AGBL1: variants seen among roughly 807,000 people sequenced by gnomAD.
AGBL1 encodes cytosolic carboxypeptidase 4.
A neutral mutation model predicts 118.9 loss-of-function variants in AGBL1; 130 were observed. The ratio of observed to expected loss-of-function variants is 1.09; its 90% CI spans 0.95 to 1.26. AGBL1 has a LOEUF of 1.26. Ranked by LOEUF, AGBL1 falls within the 50% of genes most tolerant of loss-of-function variation. The probability of loss-of-function intolerance (pLI) is 0.00; values close to 1 mark genes in which losing one functional copy is unlikely to be tolerated. For synonymous variants in AGBL1, 555 were observed against 478.9 expected, an observed-to-expected ratio of 1.16 and a Z score of -2.08; for missense variants, 1,584 against 1,298.1, an observed-to-expected ratio of 1.22 and a Z score of -3.38.
At chr15:86,923,183 T>C (rs1596638380) in intron 23 of AGBL1, among the ~76,000 whole-genome samples, 1 of 152,296 alleles carries the variant, frequency 6.6e-6, no homozygotes, top group African/African-American at 2.4e-5. Flanking sequence ...GAACACATGA[T>C]AAATAGGCAG....
intron 18 of AGBL1, among the ~76,000 whole-genome samples, chr15:86,500,255 G>T (rs904973643): frequency 6.6e-6 from 1 of 151,780 alleles, no homozygotes; most frequent in Non-Finnish European, 1.5e-5. Context: ...GTCTTTATGT[G>T]TGTCTCATGG....
intron 22 of AGBL1, among the ~76,000 whole-genome samples, chr15:86,702,622 C>G (rs2086379708): frequency 6.6e-6 from 1 of 152,162 alleles, no homozygotes; most frequent in Admixed American, 6.5e-5. Flanking sequence ...TTCCTTCTTT[C>G]CAGTCCTCAT....
At chr15:86,329,274 C>T (rs1054540197) in intron 17 of AGBL1, among the ~76,000 whole-genome samples, 1 of 152,000 alleles carries the variant, frequency 6.6e-6, no homozygotes, top group Non-Finnish European at 1.5e-5. Context: ...CCTGGACCAG[C>T]AGCCTGAGCC....
intron 22 of AGBL1, among the ~76,000 whole-genome samples, chr15:86,683,235 G>A (rs2085993564): frequency 6.6e-6 from 1 of 152,016 alleles, no homozygotes; most frequent in African/African-American, 2.4e-5. Context: ...GTATATCTGT[G>A]TGTGTTTCTG....
intron 23 of AGBL1, among the ~76,000 whole-genome samples, chr15:86,921,714 T>G (rs2080483610): frequency 6.6e-6 from 1 of 152,210 alleles, no homozygotes; most frequent in African/African-American, 2.4e-5. Context: ...CAGCACAGCA[T>G]GCATGGATCA....
At chr15:86,430,103 A>T (rs2081917083) in intron 18 of AGBL1, among the ~76,000 whole-genome samples, 2 of 152,236 alleles carry the variant, frequency 1.3e-5, no homozygotes, top group South Asian at 2.1e-4. Flanking sequence ...GTATACTTAG[A>T]TAAGGCAAAT....
chr15:86,742,298 G>T (rs1367996646), intron 22 of AGBL1, among the ~76,000 whole-genome samples: 1 of 152,130 alleles, frequency 6.6e-6, no homozygotes, highest in African/African-American at 2.4e-5. Flanking sequence ...TTTTGTAGAG[G>T]AAGATTGATT....
chr15:86,750,304 A>G (rs894023811), intron 22 of AGBL1, among the ~76,000 whole-genome samples: 1 of 152,002 alleles, frequency 6.6e-6, no homozygotes, highest in Non-Finnish European at 1.5e-5. Context: ...AATTTTACAT[A>G]TTTATGGGGT....
chr15:86,441,988 G>C (rs1329932432), intron 18 of AGBL1, among the ~76,000 whole-genome samples: 1 of 152,216 alleles, frequency 6.6e-6, no homozygotes, highest in South Asian at 2.1e-4. Context: ...AATCCACAAG[G>C]GTGGGGTAGA....
At chr15:87,011,576 T>C (rs75736073) in intron 24 of AGBL1, among the ~76,000 whole-genome samples, 16,672 of 152,214 alleles carry the variant, frequency 0.11, 1,077 homozygotes, top group East Asian at 0.15. Flanking sequence ...TTTAAAAATA[T>C]TGCATTTTCA....
rs188303285 is a variant in AGBL1, at chr15:86,451,198, T to C, written c.2555+53652T>C. ...TTCCCACCCACTAAATTTCAGCATGTGTGACTTTCTCAGTACTTCTTGGGC... is the reference window on the plus strand; with the variant it reads ...TTCCCACCCACTAAATTTCAGCATGCGTGACTTTCTCAGTACTTCTTGGGC... On this transcript the variant is annotated intron_variant, in intron 18 of 22. Coordinates refer to ENST00000614907, the MANE Select transcript of AGBL1 (RefSeq NM_001386094.1). Among the ~76,000 whole-genome samples, 60 of 140,474 alleles carry C rather than the reference T, an allele frequency of 4.3e-4. 1 individual carries two copies. The highest frequency in any genetic ancestry group is 1.8e-3 in the African/African-American group (58 of 32,832). 92.2% of individuals were successfully genotyped at this position (140,474 alleles called of 152,430 possible).
intron 5 of AGBL1, among the ~76,000 whole-genome samples, chr15:86,178,091 A>G (rs894254861): frequency 3.3e-5 from 5 of 152,206 alleles, no homozygotes; most frequent in African/African-American, 1.2e-4. Context: ...AGGTGGGCAG[A>G]TCACGAGGTC....
At chr15:86,162,236 T>C (rs2077276810) in intron 5 of AGBL1, among the ~76,000 whole-genome samples, 1 of 152,182 alleles carries the variant, frequency 6.6e-6, no homozygotes, top group South Asian at 2.1e-4. Flanking sequence ...TGGATAGCTC[T>C]ACTAAGTATC....
intron 19 of AGBL1, among the ~76,000 whole-genome samples, chr15:86,524,009 A>G (rs2083226145): frequency 6.6e-6 from 1 of 152,246 alleles, no homozygotes; most frequent in Admixed American, 6.5e-5. Flanking sequence ...CAAATCAATT[A>G]ATCATCTCTA....
chr15:86,988,004 T>A lies in AGBL1; in HGVS notation c.3239T>A (p.Phe1080Tyr). The A allele has an allele frequency of 1.9e-6, 3 of 1,613,688 alleles. No individual in the cohort carries two copies. In the Admixed American group the frequency reaches 5.0e-5, roughly 27 times the overall value. ...CATTACAGATTAAAATCATCCAATTTCCTGCCAAAGCATATTTGGTTTGCT... is the reference window on the plus strand; with the variant it reads ...CATTACAGATTAAAATCATCCAATTACCTGCCAAAGCATATTTGGTTTGCT... Residue 1080 changes from phenylalanine (F) to tyrosine (Y), a missense_variant, in exon 24 of 25, where the codon TTC (phenylalanine) becomes TAC (tyrosine). Phe to Tyr is a conservative substitution (Grantham distance 22). Coordinates refer to the AGBL1 transcript ENST00000441037.
intron 22 of AGBL1, among the ~76,000 whole-genome samples, chr15:86,848,445 T>C (rs930597007): frequency 2.1e-4 from 32 of 152,212 alleles, no homozygotes; most frequent in Admixed American, 6.5e-5. Flanking sequence ...CTTTCCTCAT[T>C]AATTAGACAT....
intron 21 of AGBL1, among the ~76,000 whole-genome samples, chr15:86,609,443 A>G (rs1021356885): frequency 1.3e-5 from 2 of 152,126 alleles, no homozygotes; most frequent in African/African-American, 4.8e-5. Flanking sequence ...TGCACACTTC[A>G]TTTACTGCTT....
chr15:86,451,799 C>T (rs952141576), intron 18 of AGBL1, among the ~76,000 whole-genome samples: 1 of 152,036 alleles, frequency 6.6e-6, no homozygotes, highest in Non-Finnish European at 1.5e-5. Context: ...TGTTTTCTCC[C>T]AATTCTAATA....
At chr15:86,729,661 G>T (rs1191802944) in intron 22 of AGBL1, among the ~76,000 whole-genome samples, 1 of 152,072 alleles carries the variant, frequency 6.6e-6, no homozygotes, top group Non-Finnish European at 1.5e-5. Flanking sequence ...ACCGCATTTT[G>T]TCTGTCCAGC....
Sources: gnomAD v4.1 joint callset for allele counts (sites outside exome capture counted in the v4.1 genomes callset) on GRCh38, gnomAD v4.1.1 for gene constraint, MANE v1.5 for transcripts, NCBI Gene and HGNC (gene_info 2026-07-23, HGNC 2026-07-21) for gene names.